The following STAC variants were observed in gnomAD, a reference collection of about 807,000 sequenced individuals.
STAC encodes SH3 and cysteine-rich domain-containing protein.
In STAC, 43 loss-of-function variants were observed where a neutral mutation model predicts 48.8. The observed-to-expected ratio is 0.88, with a 90% CI of 0.69 to 1.14. The LOEUF is 1.14. Among genes scored for constraint, STAC ranks in the 50% most tolerant of loss-of-function variants. STAC has a pLI of 0.00. For missense variants in STAC, 497 were observed against 504.0 expected (o/e 0.99, Z 0.13); for synonymous variants, 193 against 179.5 (o/e 1.07, Z -0.60).
intron 8 of STAC, among the ~76,000 whole-genome samples, chr3:36,526,607 C>T (rs57328103): frequency 0.1 from 15,608 of 152,152 alleles, 1,030 homozygotes; most frequent in East Asian, 0.27. Context: ...TATCACACAG[C>T]ATTACTGTGA....
intron 1 of STAC, among the ~76,000 whole-genome samples, chr3:36,395,081 G>A (rs971664713): frequency 1.3e-4 from 20 of 151,874 alleles, no homozygotes; most frequent in Admixed American, 9.8e-4. Flanking sequence ...CTGTGCAAAT[G>A]TAAGTTGGTA....
At chr3:36,384,358 C>T (rs1439413228) in intron 1 of STAC, among the ~76,000 whole-genome samples, 3 of 152,068 alleles carry the variant, frequency 2.0e-5, no homozygotes, top group Non-Finnish European at 4.4e-5. Flanking sequence ...TGTGAACATG[C>T]CTAATACCTC....
intron 2 of STAC, among the ~76,000 whole-genome samples, chr3:36,459,638 TTTG>T (rs1696950220): frequency 6.6e-6 from 1 of 152,240 alleles, no homozygotes; most frequent in Admixed American, 6.5e-5. Flanking sequence ...GGTTTCATGA[TTTG>T]GTTTTCGTCA....
chr3:36,503,447 T>C (rs1698325421), intron 6 of STAC, among the ~76,000 whole-genome samples: 1 of 152,154 alleles, frequency 6.6e-6, no homozygotes, highest in Non-Finnish European at 1.5e-5. Context: ...GTTTTTGTTT[T>C]TTAGATGGAG....
intron 2 of STAC, among the ~76,000 whole-genome samples, chr3:36,463,791 T>A (rs1363886681): frequency 6.6e-6 from 1 of 151,774 alleles, no homozygotes; most frequent in Non-Finnish European, 1.5e-5. Flanking sequence ...TGCGATAGTT[T>A]ACTGAGAATG....
chr3:36,527,400 A>G (rs1306323578), intron 8 of STAC, among the ~76,000 whole-genome samples: 1 of 152,190 alleles, frequency 6.6e-6, no homozygotes, highest in African/African-American at 2.4e-5. Context: ...AATTTCAGAA[A>G]TAATAAAGAA....
intron 2 of STAC, among the ~76,000 whole-genome samples, chr3:36,460,594 G>A (rs148404535): frequency 0.011 from 1,706 of 152,250 alleles, 21 homozygotes; most frequent in Non-Finnish European, 0.015. Flanking sequence ...GCATTAGTGG[G>A]TAGAGGCCAG....
intron 1 of STAC, among the ~76,000 whole-genome samples, chr3:36,423,751 G>A (rs1312493840): frequency 2.0e-5 from 3 of 152,062 alleles, no homozygotes; most frequent in African/African-American, 7.2e-5. Flanking sequence ...ATAAGTATGA[G>A]CAAATTCTTC....
chr3:36,483,163 C>T, intron 3 of STAC, 71 bp downstream of exon 3: 1 of 1,208,010 alleles, frequency 8.3e-7, no homozygotes, highest in Admixed American at 1.9e-5. Context: ...GTGAGATCAC[C>T]CCCTCCAAAA....
chr3:36,441,578 T>A (rs1696350726), intron 1 of STAC, among the ~76,000 whole-genome samples: 1 of 152,222 alleles, frequency 6.6e-6, no homozygotes, highest in Non-Finnish European at 1.5e-5. Flanking sequence ...GTCTCCTCAG[T>A]ATAATGATTC....
chr3:36,455,494 TCTTA>T (rs1696828271), intron 2 of STAC, among the ~76,000 whole-genome samples: 1 of 152,202 alleles, frequency 6.6e-6, no homozygotes, highest in South Asian at 2.1e-4. Context: ...TTTGACTCAT[TCTTA>T]CTTCTGTGTG....
intron 10 of STAC, among the ~76,000 whole-genome samples, chr3:36,543,540 A>C (rs189826050): frequency 6.6e-6 from 1 of 152,244 alleles, no homozygotes; most frequent in African/African-American, 2.4e-5. Flanking sequence ...GACACTTCCG[A>C]ACAACTCTTC....
intron 2 of STAC, among the ~76,000 whole-genome samples, chr3:36,467,536 G>A (rs921000584): frequency 3.9e-5 from 6 of 151,964 alleles, no homozygotes; most frequent in African/African-American, 1.4e-4. Context: ...TAATTGGTCT[G>A]TTCAGAGGTT....
intron 2 of STAC, among the ~76,000 whole-genome samples, chr3:36,468,750 A>ATGTGTGTG (rs142552025): frequency 3.8e-4 from 55 of 145,522 alleles, no homozygotes; most frequent in African/African-American, 1.3e-3. Flanking sequence ...AAATACATAT[A>ATGTGTGTG]TGTGTGTGTG....
intron 1 of STAC, among the ~76,000 whole-genome samples, chr3:36,414,118 C>T (rs1178009094): frequency 6.6e-6 from 1 of 152,146 alleles, no homozygotes; most frequent in Admixed American, 6.5e-5. Context: ...TTTTTTCCTT[C>T]ATTTCAACTT....
intron 1 of STAC, among the ~76,000 whole-genome samples, chr3:36,388,564 C>A (rs192523656): frequency 6.6e-6 from 1 of 151,862 alleles, no homozygotes; most frequent in South Asian, 2.1e-4. Flanking sequence ...ACCCTGAGAA[C>A]AGAAAAATAA....
chr3:36,493,381 G>T, intron 6 of STAC, 152 bp downstream of exon 6: 2 of 658,356 alleles, frequency 3.0e-6, no homozygotes, highest in East Asian at 3.0e-5. Flanking sequence ...TGTGAGCATT[G>T]TTTCTGGTGG....
chr3:36,384,129 G>C (rs997930304), intron 1 of STAC, among the ~76,000 whole-genome samples: 1 of 152,086 alleles, frequency 6.6e-6, no homozygotes, highest in East Asian at 1.9e-4. Flanking sequence ...AGAGACCATT[G>C]AATATAAACA....
At position 36,380,765 on chromosome 3, in the gene STAC, C is replaced by G. The variant is rs201054931; in HGVS notation, c.111+11C>G. On this transcript the variant is annotated intron_variant, in intron 1 of 10. Coordinates refer to ENST00000273183, the MANE Select transcript of STAC (RefSeq NM_003149.3). ...AGCCAGGAATCCAAGGTACCGAGCA[C>G]GCTTGCCCCCAAGAGAACACAAACT... 2.5e-6 allele frequency: 4 copies of G among 1,599,148 alleles called. No individual in the cohort carries two copies. In the East Asian group the frequency reaches 9.0e-5, roughly 36 times the overall value.
Sources: gnomAD v4.1 joint callset for allele counts (sites outside exome capture counted in the v4.1 genomes callset) on GRCh38, gnomAD v4.1.1 for gene constraint, MANE v1.5 for transcripts, NCBI Gene and HGNC (gene_info 2026-07-23, HGNC 2026-07-21) for gene names.